The following TIMP2 variants were observed in gnomAD, a reference collection of about 807,000 sequenced individuals.
TIMP2 encodes the protein metalloproteinase inhibitor 2.
TIMP2 carries 5 observed loss-of-function variants against 24.3 expected under a neutral mutation model. The ratio of observed to expected loss-of-function variants is 0.21; its 90% confidence interval spans 0.11 to 0.43. The LOEUF (loss-of-function observed/expected upper bound fraction) is 0.43. Ranked by LOEUF, TIMP2 falls within the 20% of genes least tolerant of loss-of-function variation. The probability of loss-of-function intolerance (pLI) is 1.00; values close to 1 mark genes in which losing one functional copy is unlikely to be tolerated. For synonymous variants in TIMP2, 130 were observed against 123.2 expected, an observed-to-expected ratio of 1.06 and a Z score of -0.37; for missense variants, 221 against 297.5, an observed-to-expected ratio of 0.74 and a Z score of 1.89.
chr17:78,872,190 T>C (rs921729921), intron 2 of TIMP2, among the ~76,000 whole-genome samples: 8 of 150,782 alleles, frequency 5.3e-5, no homozygotes, highest in Non-Finnish European at 1.2e-4. Context: ...GAGGTCTCGC[T>C]CTATTACCCA....
rs1233022608 is a variant in TIMP2 at position 78,891,235 on chromosome 17, C to G, written c.131-17316G>C. The stretch of plus-strand genomic sequence containing the variant: ...TCTGGGCCTTGCCCATGAACGTTTT[C>G]AAGTCGGTCTTGGACGCTGCCTGCT... On this transcript the variant is annotated intron_variant, in intron 1 of 4. Coordinates refer to ENST00000262768, the MANE Select transcript of TIMP2 (RefSeq NM_003255.5). The surrounding 1 kb of genome is among the most constrained non-coding windows in gnomAD (Gnocchi z 4.5). 9 of 1,550,546 alleles carry G rather than the reference C, an allele frequency of 5.8e-6. No homozygotes were observed. Among genetic ancestry groups the G allele is most frequent in the Non-Finnish European group, 7.0e-6 (8 of 1,147,028 alleles).
intron 1 of TIMP2, chr17:78,892,458 A>G (rs578066172): frequency 5.2e-6 from 8 of 1,546,062 alleles, no homozygotes; most frequent in Non-Finnish European, 7.0e-6. Flanking sequence ...TCCACAGCAA[A>G]CCTACGAGGA....
At chr17:78,859,858 C>T (rs1198685845) in intron 3 of TIMP2, among the ~76,000 whole-genome samples, 1 of 148,398 alleles carries the variant, frequency 6.7e-6, no homozygotes, top group East Asian at 2.0e-4. Context: ...TGGGCATGGT[C>T]GTGGGTACCT....
In TIMP2 at chr17:78,878,083, A is replaced by C. The variant is rs373896597; in HGVS notation, c.131-4164T>G. 1.1e-4 allele frequency among the ~76,000 whole-genome samples: 16 copies of C among 152,260 alleles called. 3 individuals are homozygous for C. Among genetic ancestry groups the C allele is most frequent in the East Asian group, 3.9e-4 (2 of 5,170 alleles). ...AGGCACTCAACAAGCATGTCACTGG[A>C]GTTCAGAAAATAAGCAAAGATTACT... On this transcript the variant is annotated intron_variant, in intron 1 of 4. Coordinates refer to ENST00000262768, the MANE Select transcript of TIMP2 (RefSeq NM_003255.5).
chr17:78,908,976 C>G (rs2145790853), intron 1 of TIMP2, among the ~76,000 whole-genome samples: 1 of 152,276 alleles, frequency 6.6e-6, no homozygotes. Flanking sequence ...ATGAGAGGAG[C>G]ACCCCCAGAA....
At chr17:78,865,032 C>T (rs1278805372) in intron 3 of TIMP2, among the ~76,000 whole-genome samples, 5 of 152,058 alleles carry the variant, frequency 3.3e-5, no homozygotes, top group African/African-American at 1.2e-4. Flanking sequence ...CCAGCCTGGG[C>T]TTTGTTGCCT....
chr17:78,914,823 G>C lies in TIMP2; in HGVS notation c.130+10136C>G, dbSNP rs553802796. On this transcript the variant is annotated intron_variant, in intron 1 of 4. Coordinates refer to ENST00000262768, the MANE Select transcript of TIMP2 (RefSeq NM_003255.5). ...GCTGATCTGGAACTCCTGGGCTCAA[G>C]TGATCCTCCCGCCTCAGCCTCCCAA... is the stretch of plus-strand genomic sequence containing the variant. Among the ~76,000 whole-genome samples, 5 of 152,030 alleles carry C rather than the reference G, an allele frequency of 3.3e-5. No individual in the cohort carries two copies. The East Asian group carries it at 9.7e-4, about 29-fold the overall frequency.
chr17:78,892,007 G>C, intron 1 of TIMP2: 1 of 1,550,654 alleles, frequency 6.4e-7, no homozygotes, highest in Non-Finnish European at 8.7e-7. Flanking sequence ...CTTCTCCTTG[G>C]CCCTCGGGGG....
chr17:78,917,021 G>T (rs2070264753), intron 1 of TIMP2, among the ~76,000 whole-genome samples: 1 of 152,176 alleles, frequency 6.6e-6, no homozygotes, highest in Non-Finnish European at 1.5e-5. Flanking sequence ...TCACTTCCTT[G>T]AAGATGGGCA....
At chr17:78,877,760 ATGGTGCAATCT>A (rs1326462148) in intron 1 of TIMP2, among the ~76,000 whole-genome samples, 3 of 150,566 alleles carry the variant, frequency 2.0e-5, no homozygotes, top group Non-Finnish European at 3.0e-5. Context: ...CTGGAGTGCA[ATGGTGCAATCT>A]TGGCCCACTG....
At chr17:78,871,315 G>T (rs1599149423) in intron 2 of TIMP2, among the ~76,000 whole-genome samples, 6 of 152,086 alleles carry the variant, frequency 3.9e-5, no homozygotes, top group African/African-American at 1.4e-4. Flanking sequence ...AGCTGAGCAT[G>T]GTGGCAAGCG....
intron 3 of TIMP2, among the ~76,000 whole-genome samples, chr17:78,868,563 T>C (rs550286239): frequency 6.6e-6 from 1 of 152,252 alleles, no homozygotes; most frequent in South Asian, 2.1e-4. Context: ...GTCTATTCTT[T>C]TTTTCTTAAG....
At chr17:78,889,797 G>A (rs575816108) in intron 1 of TIMP2, among the ~76,000 whole-genome samples, 1 of 152,166 alleles carries the variant, frequency 6.6e-6, no homozygotes, top group Non-Finnish European at 1.5e-5. Context: ...TTTGTATATA[G>A]GTGGTTTCCC....
At chr17:78,916,954 C>T (rs996932659) in intron 1 of TIMP2, among the ~76,000 whole-genome samples, 3 of 152,214 alleles carry the variant, frequency 2.0e-5, no homozygotes, top group African/African-American at 4.8e-5. Context: ...GTCCTAACCT[C>T]GGTAAGAGTC....
At chr17:78,863,588 C>T (rs1599145983) in intron 3 of TIMP2, among the ~76,000 whole-genome samples, 1 of 152,142 alleles carries the variant, frequency 6.6e-6, no homozygotes, top group African/African-American at 2.4e-5. Context: ...TCAATGTCAG[C>T]TTTCTACCGA....
chr17:78,862,863 G>A (rs976784383), intron 3 of TIMP2, among the ~76,000 whole-genome samples: 3 of 152,224 alleles, frequency 2.0e-5, no homozygotes, highest in Non-Finnish European at 2.9e-5. Flanking sequence ...GTTTCCAGCT[G>A]CACTCATGTG....
intron 1 of TIMP2, among the ~76,000 whole-genome samples, chr17:78,918,448 T>C (rs900663521): frequency 6.6e-6 from 1 of 152,124 alleles, no homozygotes; most frequent in Admixed American, 6.6e-5. Context: ...TCCAGGCAGG[T>C]GGGCCCTGGG....
At position 78,853,404 on chromosome 17, in the gene TIMP2, G is replaced by A. The variant is rs915644678; in HGVS notation, c.*2263C>T. The A allele has an allele frequency of 1.3e-5, 2 of 152,272 alleles. No individual in the cohort carries two copies. The highest frequency in any genetic ancestry group is 4.8e-5 in the African/African-American group (2 of 41,400). The allele number at this position is 152,272 out of a possible 1,614,324, so 9.4% of individuals were successfully genotyped here. The stretch of plus-strand genomic sequence containing the variant: ...GCCACTATTTATTGTGAAGGTATTT[G>A]AGCGGCTTCCTCTGTCAGCTGCCAC... On this transcript the variant is annotated 3_prime_UTR_variant, in exon 5 of 5. Transcript: ENST00000262768.
intron 1 of TIMP2, chr17:78,874,201 T>G: frequency 2.3e-6 from 1 of 436,862 alleles, no homozygotes. Context: ...GAGTCCCTTG[T>G]GACCAAGGCA....
Sources: gnomAD v4.1 joint callset for allele counts (sites outside exome capture counted in the v4.1 genomes callset) on GRCh38, gnomAD v4.1.1 for gene constraint, Gnocchi (gnomAD v3.1) non-coding constraint, MANE v1.5 for transcripts, NCBI Gene and HGNC (gene_info 2026-07-23, HGNC 2026-07-21) for gene names.